Variants in C3 observed in about 807,000 individuals in gnomAD.
The protein encoded by C3 is complement C3.
A neutral mutation model predicts 207.9 loss-of-function variants in C3; 97 were observed. The ratio of observed to expected loss-of-function variants is 0.47; its 90% CI spans 0.40 to 0.55. The LOEUF is 0.55. C3 is among the 20% of genes least tolerant of loss of function. The pLI is 0.00. For synonymous variants in C3, 848 were observed against 857.6 expected (o/e 0.99, Z 0.20); for missense variants, 1,684 against 2,171.7 (o/e 0.78, Z 4.46).
Position 6,707,173 on chromosome 19 carries a change from C to T in C3, c.2148G>A (p.Leu716=), listed in dbSNP as rs1967797171. The T allele has an allele frequency of 6.2e-7, 1 of 1,613,682 alleles. No homozygotes were observed. The highest frequency in any genetic ancestry group is 1.3e-5 in the African/African-American group (1 of 74,890). Residue 716 remains leucine (L), a synonymous_variant, in exon 17 of 41, where the codon CTG becomes CTA. Transcript: ENST00000245907. ...GGAAGACCTTCTTGCACGCCTCGCC[C>T]AGGGAGATGAAACGGGTCCGGCGCT... is the stretch of plus-strand genomic sequence containing the variant. ...SCQRRTRFIS[L]GEACKKVFLD...
At chr19:6,691,843 G>A (rs1599505115) in intron 26 of C3, among the ~76,000 whole-genome samples, 1 of 152,072 alleles carries the variant, frequency 6.6e-6, no homozygotes, top group East Asian at 1.9e-4. Context: ...AAATCAGCTG[G>A]GCATGGTGGA....
chr19:6,689,535 T>C (rs1261288593), intron 27 of C3, among the ~76,000 whole-genome samples: 1 of 151,930 alleles, frequency 6.6e-6, no homozygotes, highest in Non-Finnish European at 1.5e-5. Context: ...AAGCTAAACG[T>C]TAAACAACCC....
At position 6,684,372 on chromosome 19, in the gene C3, T is replaced by C; in HGVS notation, c.4172+16A>G. Reference sequence around the variant, plus strand: ...GAGGGATGGCCAAGATGAACCCCGGTGACCTAGCTTCTTACCTGGTACAGA... The same window carrying C: ...GAGGGATGGCCAAGATGAACCCCGGCGACCTAGCTTCTTACCTGGTACAGA... On this transcript the variant is annotated intron_variant, in intron 33 of 40. Coordinates refer to ENST00000245907, the MANE Select transcript of C3 (RefSeq NM_000064.4). 1 of 1,610,032 alleles carries C rather than the reference T, an allele frequency of 6.2e-7. No individual in the cohort carries two copies. The highest frequency in any genetic ancestry group is 8.5e-7 in the Non-Finnish European group (1 of 1,176,242).
At chr19:6,720,154 C>G (rs1021690906) in intron 1 of C3, among the ~76,000 whole-genome samples, 2 of 152,104 alleles carry the variant, frequency 1.3e-5, no homozygotes, top group African/African-American at 2.4e-5. Flanking sequence ...CCAATTCCAC[C>G]ATACCTGGAT....
At position 6,690,588 on chromosome 19, in the gene C3, C is replaced by T. The variant is rs536707218; in HGVS notation, c.3489+41G>A. The T allele has an allele frequency of 2.5e-5, 38 of 1,520,922 alleles. 1 individual carries two copies. In the South Asian group the frequency reaches 3.0e-4, roughly 12 times the overall value. 94.2% of individuals were successfully genotyped at this position (1,520,922 alleles called of 1,614,324 possible). A position where few individuals can be genotyped will look rare whatever the true frequency, so the allele number is the denominator to read the frequency against. ...TCTCCAAGGTGGCTGTGCTCTGCAT[C>T]GGGTAAGGTAGGGTAGGGTGGGAAG... On this transcript the variant is annotated intron_variant, in intron 27 of 40. Coordinates refer to ENST00000245907, the MANE Select transcript of C3 (RefSeq NM_000064.4).
Position 6,712,511 on chromosome 19 carries a change from G to A in C3, c.1116C>T (p.Leu372=), listed in dbSNP as rs777290096. 3 of 1,614,126 alleles carry A rather than the reference G, an allele frequency of 1.9e-6. No individual in the cohort carries two copies. In the South Asian group the frequency reaches 3.3e-5, roughly 18 times the overall value. ...CCCTTCCCGCCCCGGGTCTCACCAT[G>A]AGGTCAAAGGGCATTCCTGGTTTGA... ...KYFKPGMPFD[L]MVFVTNPDGS... Residue 372 remains leucine, a synonymous_variant, in exon 10 of 41, where the codon CTC becomes CTT. Transcript: ENST00000245907.
rs752086670 is a variant in C3, at chr19:6,679,425, G to A, written c.4528C>T (p.Leu1510=). Residue 1510 remains leucine (L), a synonymous_variant, in exon 37 of 41, where the codon CTG becomes TTG. Coordinates refer to ENST00000245907, the MANE Select transcript of C3 (RefSeq NM_000064.4). ...AACTCACCCTCAGCACAGCGGCACA[G>A]TTCATCACGGCAGAGCTTGTTCAGC... ...GKLNKLCRDE[L]CRCAEENCFI... is the part of the protein sequence containing the mutation. The A allele has an allele frequency of 1.3e-5, 21 of 1,613,726 alleles. No homozygotes were observed. The South Asian group carries it at 2.2e-4, about 17-fold the overall frequency.
chr19:6,682,281 A>G (rs746439993), intron 33 of C3, 52 bp from the exon 34 acceptor site: 12 of 1,419,406 alleles, frequency 8.5e-6, no homozygotes, highest in Non-Finnish European at 1.2e-5. Context: ...GTCAGCCCCA[A>G]GGGTCTGTTC....
At chr19:6,684,250 C>T (rs59869521) in intron 33 of C3, 138 bp downstream of exon 33, 3 of 801,570 alleles carry the variant, frequency 3.7e-6, no homozygotes, top group Middle Eastern at 3.4e-4. Context: ...GTGTTGTCTA[C>T]CTCATGGTGG....
intron 14 of C3, 62 bp downstream of exon 14, chr19:6,709,613 CCACCCACCT>C: frequency 1.2e-6 from 1 of 850,148 alleles, no homozygotes; most frequent in African/African-American, 1.7e-5. Flanking sequence ...CTCTCCAGTC[CCACCCACCT>C]CCCCCAGCCC....
Position 6,685,071 on chromosome 19 carries a change from C to T in C3, c.3886G>A (p.Val1296Met). 5 of 1,614,002 alleles carry T rather than the reference C, an allele frequency of 3.1e-6. No homozygotes were observed. Among genetic ancestry groups the T allele is most frequent in the East Asian group, 4.5e-5 (2 of 44,888 alleles). The part of the protein sequence containing the change: ...APDHQELNLD[V>M]SLQLPSRSSK... ...CTGCGGCTGGGCAGTTGGAGGGACA[C>T]ATCAAGGTTCAGTTCCTGGTGGTCA... The change falls in exon 30 of 41, where the codon GTG becomes ATG. Residue 1296 changes from valine (V) to methionine (M), a missense_variant. This residue lies in a region of C3 where 1,280 missense variants were observed against 1,739.1 expected (regional missense o/e 0.74). Coordinates refer to ENST00000245907, the MANE Select transcript of C3 (RefSeq NM_000064.4).
At position 6,712,269 on chromosome 19, in the gene C3, G is replaced by A. The variant is rs746594307; in HGVS notation, c.1257C>T (p.Pro419=). The change falls in exon 11 of 41, where the codon CCC becomes CCT. Residue 419 remains proline, a synonymous_variant. Transcript: ENST00000245907. ...GGCCCAGACGCACCGTGATGCTCAA[G>A]GGCTTCTGGCTGGGGTGTGTGTTGA... ...LSINTHPSQK[P]LSITVRTKKQ... 7.4e-6 allele frequency: 12 copies of A among 1,613,786 alleles called. No homozygotes were observed. In the African/African-American group the frequency reaches 1.1e-4, roughly 14 times the overall value.
At chr19:6,680,290 G>A (rs951466476) in intron 35 of C3, 27 bp from the exon 36 acceptor site, 1 of 1,185,620 alleles carries the variant, frequency 8.4e-7, no homozygotes. Context: ...AGCTTGGTCA[G>A]TGGGGTGATG....
chr19:6,685,171 G>A (rs1234335383), intron 29 of C3, 25 bp from the exon 30 acceptor site: 1 of 1,610,284 alleles, frequency 6.2e-7, no homozygotes, highest in African/African-American at 1.3e-5. Context: ...AGAGAAAGAT[G>A]GTGATCTGGG....
chr19:6,699,693 T>C (rs929572358), intron 19 of C3, among the ~76,000 whole-genome samples: 2 of 151,910 alleles, frequency 1.3e-5, no homozygotes, highest in Non-Finnish European at 2.9e-5. Context: ...TGAGATGCAC[T>C]GAATTGTAAA....
intron 33 of C3, 92 bp downstream of exon 33, chr19:6,684,296 G>T: frequency 3.1e-6 from 3 of 980,946 alleles, no homozygotes; most frequent in Non-Finnish European, 5.0e-6. Context: ...AGTGTACTTG[G>T]AAAGTACTGA....
chr19:6,694,727 G>A (rs1242841560), intron 23 of C3, 93 bp from the exon 24 acceptor site: 5 of 1,180,866 alleles, frequency 4.2e-6, no homozygotes, highest in Non-Finnish European at 6.1e-6. Flanking sequence ...AACCAGCCAG[G>A]GCCAAGGGGT....
At chr19:6,696,343 C>G in intron 23 of C3, 36 bp downstream of exon 23, 1 of 1,474,840 alleles carries the variant, frequency 6.8e-7, no homozygotes, top group Non-Finnish European at 9.4e-7. Context: ...CCATGCCCTC[C>G]TGGGACCCAT....
intron 33 of C3, among the ~76,000 whole-genome samples, chr19:6,683,651 C>T (rs1281868663): frequency 6.6e-6 from 1 of 152,044 alleles, no homozygotes; most frequent in African/African-American, 2.4e-5. Flanking sequence ...CGGTGTTTCA[C>T]CGTGTTAGCC....
Sources: gnomAD v4.1 joint callset for allele counts (sites outside exome capture counted in the v4.1 genomes callset) on GRCh38, gnomAD v4.1.1 for gene constraint, gnomAD v4.1.1 regional missense constraint, MANE v1.5 for transcripts, NCBI Gene and HGNC (gene_info 2026-07-23, HGNC 2026-07-21) for gene names.